Variants in REPS2 observed in about 807,000 individuals in gnomAD.
REPS2 encodes ralBP1-associated Eps domain-containing protein 2.
In REPS2, 23 loss-of-function variants were observed where a neutral mutation model predicts 53.6. The observed-to-expected ratio is 0.43, with a 90% CI of 0.31 to 0.61. The LOEUF (loss-of-function observed/expected upper bound fraction) is 0.61. Among genes scored for constraint, REPS2 ranks in the 20% least tolerant of loss-of-function variants. The pLI, the probability that REPS2 is intolerant of heterozygous loss-of-function variation, is 0.11. For synonymous variants in REPS2, 238 were observed against 218.6 expected (o/e 1.09, Z -0.78); for missense variants, 446 against 534.9 (o/e 0.83, Z 1.64).
intron 8 of REPS2, 70 bp downstream of exon 8, chrX:17,055,020 C>G: frequency 9.5e-7 from 1 of 1,049,158 alleles, no homozygotes; most frequent in Non-Finnish European, 1.3e-6. Flanking sequence ...CTTTTGTTTC[C>G]TGACTTTTTA....
intron 14 of REPS2, among the ~76,000 whole-genome samples, chrX:17,106,746 C>A (rs772672191): frequency 1.8e-5 from 2 of 111,610 alleles, no homozygotes; most frequent in South Asian, 3.8e-4. Flanking sequence ...AATGATATTC[C>A]CATCAAACTA....
chrX:16,987,050 C>T (rs1245650849), intron 1 of REPS2, among the ~76,000 whole-genome samples: 2 of 109,129 alleles, frequency 1.8e-5, no homozygotes, highest in Admixed American at 2.0e-4. Flanking sequence ...GCTGGAACTA[C>T]GGGGACAAGC....
chrX:16,985,935 A>G (rs766278998), intron 1 of REPS2, among the ~76,000 whole-genome samples: 38 of 111,982 alleles, frequency 3.4e-4, no homozygotes, highest in African/African-American at 1.2e-3. Context: ...GGTTTTTGTA[A>G]TTTTATTCAT....
chrX:17,098,249 A>G (rs1238994142), intron 13 of REPS2, among the ~76,000 whole-genome samples: 1 of 112,171 alleles, frequency 8.9e-6, no homozygotes, highest in Non-Finnish European at 1.9e-5. Context: ...AATTTACCAC[A>G]TTAACAAATT....
chrX:17,120,867 C>T (rs1314891613), intron 14 of REPS2, among the ~76,000 whole-genome samples: 3 of 111,782 alleles, frequency 2.7e-5, no homozygotes, highest in South Asian at 3.8e-4. Context: ...CCTTTTCCAT[C>T]GGGGAACATG....
At chrX:17,024,388 A>G (rs868588832) in intron 3 of REPS2, among the ~76,000 whole-genome samples, 2 of 47,540 alleles carry the variant, frequency 4.2e-5, no homozygotes, top group East Asian at 8.6e-4. Flanking sequence ...TTTTTTTTTT[A>G]AAGAGGAAAC....
chrX:17,002,681 C>T (rs2061321711), intron 1 of REPS2, among the ~76,000 whole-genome samples: 1 of 111,847 alleles, frequency 8.9e-6, no homozygotes, highest in Non-Finnish European at 1.9e-5. Context: ...CTGAGTTTGC[C>T]CACTTGGGGA....
intron 6 of REPS2, among the ~76,000 whole-genome samples, chrX:17,051,581 A>G (rs1018603913): frequency 1.8e-5 from 2 of 112,330 alleles, no homozygotes; most frequent in South Asian, 3.7e-4. Context: ...TTATTTATCC[A>G]TTCATCAGTT....
At chrX:16,968,669 A>G (rs758570617) in intron 1 of REPS2, among the ~76,000 whole-genome samples, 226 of 59,834 alleles carry the variant, frequency 3.8e-3, no homozygotes, top group African/African-American at 0.011. Flanking sequence ...CCTCCCTCCC[A>G]GACGGGGCGG....
chrX:16,951,561 C>CA (rs1569083961), intron 1 of REPS2, among the ~76,000 whole-genome samples: 29 of 25,802 alleles, frequency 1.1e-3, no homozygotes, highest in Middle Eastern at 0.029. Flanking sequence ...ACACACACAC[C>CA]CCCGCTACCT....
the REPS2 span, among the ~76,000 whole-genome samples, chrX:17,163,614 A>G: frequency 8.9e-6 from 1 of 112,293 alleles, no homozygotes; most frequent in African/African-American, 3.2e-5. Context: ...GGGATGCTCA[A>G]TAAGATTAAG....
chrX:17,048,597 A>G (rs182026853), intron 6 of REPS2, among the ~76,000 whole-genome samples: 75 of 112,380 alleles, frequency 6.7e-4, no homozygotes, highest in Admixed American at 1.0e-3. Flanking sequence ...CATAGCCCCA[A>G]TGATTTTCTC....
At chrX:17,045,151 T>C (rs1365865035) in intron 5 of REPS2, among the ~76,000 whole-genome samples, 1 of 110,477 alleles carries the variant, frequency 9.1e-6, no homozygotes, top group Non-Finnish European at 1.9e-5. Flanking sequence ...TAGGTTGGTC[T>C]TGAACTCCTG....
chrX:17,032,556 C>T (rs748450773), intron 5 of REPS2, among the ~76,000 whole-genome samples: 1 of 111,775 alleles, frequency 8.9e-6, no homozygotes, highest in Non-Finnish European at 1.9e-5. Flanking sequence ...AGTGAAGGTT[C>T]TTGGTGATAA....
chrX:17,010,776 T>A (rs1456289385), intron 2 of REPS2, among the ~76,000 whole-genome samples: 1 of 111,659 alleles, frequency 9.0e-6, no homozygotes, highest in Non-Finnish European at 1.9e-5. Flanking sequence ...CAGATTCTCC[T>A]GGAACTCCAG....
chrX:17,075,376 A>G (rs1023764981), intron 12 of REPS2, among the ~76,000 whole-genome samples: 19 of 112,473 alleles, frequency 1.7e-4, no homozygotes, highest in Non-Finnish European at 3.2e-4. Flanking sequence ...ATAAAATCTC[A>G]TAGCCACACG....
intron 2 of REPS2, 147 bp downstream of exon 2, chrX:17,006,491 G>T: frequency 1.9e-6 from 1 of 523,346 alleles, no homozygotes. Context: ...TTGGCAGGTA[G>T]GTAGCTTAGT....
chrX:16,984,244 CA>C (rs1388548130), intron 1 of REPS2, among the ~76,000 whole-genome samples: 2 of 112,171 alleles, frequency 1.8e-5, no homozygotes, highest in Non-Finnish European at 1.9e-5. Flanking sequence ...GGTGCACTCA[CA>C]GGGCTGTTGG....
At chrX:17,187,985 C>T in the REPS2 span, among the ~76,000 whole-genome samples, 1 of 111,872 alleles carries the variant, frequency 8.9e-6, no homozygotes, top group Non-Finnish European at 1.9e-5. Context: ...TCACTTTTTT[C>T]GGAAACCAGG....
Sources: gnomAD v4.1 joint callset for allele counts (sites outside exome capture counted in the v4.1 genomes callset) on GRCh38, gnomAD v4.1.1 for gene constraint, MANE v1.5 for transcripts, NCBI Gene and HGNC (gene_info 2026-07-23, HGNC 2026-07-21) for gene names.